ASTN2: variants seen among roughly 807,000 people sequenced by gnomAD.
The protein encoded by ASTN2 is astrotactin 2.
A neutral mutation model predicts 139.8 loss-of-function variants in ASTN2; 54 were observed. That is an observed-to-expected ratio of 0.39 (90% CI 0.31 to 0.48). The LOEUF is 0.48. ASTN2 is among the 20% of genes least tolerant of loss of function. The pLI, the probability that ASTN2 is intolerant of heterozygous loss-of-function variation, is 0.95. For missense variants in ASTN2, 1,565 were observed against 1,725.1 expected, an observed-to-expected ratio of 0.91 and a Z score of 1.64; for synonymous variants, 756 against 719.5, an observed-to-expected ratio of 1.05 and a Z score of -0.81.
chr9:116,745,099 C>T (rs1479271797), intron 13 of ASTN2, among the ~76,000 whole-genome samples: 1 of 152,230 alleles, frequency 6.6e-6, no homozygotes, highest in Non-Finnish European at 1.5e-5. Context: ...ACTCTAATCA[C>T]ATCTGATGCT....
intron 5 of ASTN2, among the ~76,000 whole-genome samples, chr9:117,071,750 C>T (rs373762031): frequency 0.037 from 5,475 of 149,462 alleles, 328 homozygotes; most frequent in African/African-American, 0.13. Context: ...AAGCGCAATA[C>T]TCGGGTGGGA....
intron 1 of ASTN2, among the ~76,000 whole-genome samples, chr9:117,353,174 T>TTTACC (rs1411647373): frequency 1.3e-5 from 2 of 152,130 alleles, no homozygotes; most frequent in African/African-American, 4.8e-5. Flanking sequence ...AATTGTATGT[T>TTTACC]ACATATATTT....
At chr9:116,599,541 T>G (rs545688709) in intron 19 of ASTN2, among the ~76,000 whole-genome samples, 1 of 152,310 alleles carries the variant, frequency 6.6e-6, no homozygotes, top group Non-Finnish European at 1.5e-5. Flanking sequence ...GTTCTGATAT[T>G]TTTCCCTGAG....
At chr9:117,285,563 C>T (rs1008571053) in intron 2 of ASTN2, among the ~76,000 whole-genome samples, 5 of 152,018 alleles carry the variant, frequency 3.3e-5, no homozygotes, top group African/African-American at 1.2e-4. Context: ...TTTTATATTC[C>T]TCAAAGTATT....
Position 116,634,767 on chromosome 9 carries a change from A to G in ASTN2, c.3073-14324T>C, listed in dbSNP as rs146826756. Among the ~76,000 whole-genome samples, 994 of 152,264 alleles carry G rather than the reference A, an allele frequency of 6.5e-3. 15 individuals are homozygous for G. The highest frequency in any genetic ancestry group is 0.023 in the African/African-American group (941 of 41,544). On this transcript the variant is annotated intron_variant, in intron 17 of 22. Coordinates refer to ENST00000313400, the MANE Select transcript of ASTN2 (RefSeq NM_001365068.1). Reference sequence around the variant, plus strand: ...ATGGCACTGGAACAAGCTATCAGAGATACTATCTTTGCCTTTGGGGAAGTA... The same window carrying G: ...ATGGCACTGGAACAAGCTATCAGAGGTACTATCTTTGCCTTTGGGGAAGTA...
At chr9:117,070,441 C>T (rs1462585884) in intron 5 of ASTN2, among the ~76,000 whole-genome samples, 8 of 85,722 alleles carry the variant, frequency 9.3e-5, no homozygotes, top group Admixed American at 5.1e-4. Context: ...CTGCCCTTAA[C>T]ATTTTTTCCT....
chr9:117,074,106 A>G (rs1828211046), intron 5 of ASTN2, among the ~76,000 whole-genome samples: 1 of 151,366 alleles, frequency 6.6e-6, no homozygotes, highest in East Asian at 1.9e-4. Context: ...AAAAAAAAAG[A>G]CCTTAATAGT....
chr9:117,243,538 G>A (rs573396554), intron 2 of ASTN2, among the ~76,000 whole-genome samples: 16 of 152,038 alleles, frequency 1.1e-4, no homozygotes, highest in African/African-American at 3.1e-4. Context: ...ACTATGTACC[G>A]GAAGCCCTGC....
chr9:116,997,308 T>C (rs1034757499), intron 7 of ASTN2, among the ~76,000 whole-genome samples: 1 of 152,172 alleles, frequency 6.6e-6, no homozygotes, highest in Non-Finnish European at 1.5e-5. Context: ...TAAAAGACCT[T>C]AAACATCTTC....
At chr9:116,615,371 C>A (rs1239767670) in intron 19 of ASTN2, among the ~76,000 whole-genome samples, 13 of 152,170 alleles carry the variant, frequency 8.5e-5, no homozygotes, top group Admixed American at 5.2e-4. Flanking sequence ...CATCCCATTA[C>A]TGGGTATATA....
chr9:117,379,665 C>T (rs189819299), intron 1 of ASTN2, among the ~76,000 whole-genome samples: 1 of 152,304 alleles, frequency 6.6e-6, no homozygotes, highest in African/African-American at 2.4e-5. Context: ...AAGATGCTAT[C>T]CTGTCCTCCA....
intron 4 of ASTN2, among the ~76,000 whole-genome samples, chr9:117,115,508 G>A (rs2132798052): frequency 6.6e-6 from 1 of 152,294 alleles, no homozygotes; most frequent in East Asian, 1.9e-4. Flanking sequence ...GGGCGACAGA[G>A]TGAGACTTTG....
intron 19 of ASTN2, among the ~76,000 whole-genome samples, chr9:116,615,294 A>G (rs373275347): frequency 5.3e-5 from 8 of 152,230 alleles, no homozygotes; most frequent in African/African-American, 1.9e-4. Flanking sequence ...AAACTAGTTG[A>G]ACCATTGTGG....
intron 1 of ASTN2, among the ~76,000 whole-genome samples, chr9:117,352,343 T>A (rs1363930954): frequency 6.6e-6 from 1 of 152,222 alleles, no homozygotes; most frequent in African/African-American, 2.4e-5. Flanking sequence ...GGCCACCATC[T>A]GCATCCCAAA....
rs181590286 is a variant in ASTN2, at chr9:116,443,902, C to T, written c.3498-1349G>A. Among the ~76,000 whole-genome samples the T allele has an allele frequency of 1.4e-3, 211 of 152,132 alleles. 1 individual carries two copies. The highest frequency in any genetic ancestry group is 2.5e-3 in the Non-Finnish European group (171 of 67,984). The stretch of plus-strand genomic sequence containing the variant: ...TCAAATTATCCCATGTTATAAAATA[C>T]GAAAAACACTATGATTAGCAAGTTT... On this transcript the variant is annotated intron_variant, in intron 20 of 22. Transcript: ENST00000313400.
At chr9:116,642,766 G>A (rs978879219) in intron 17 of ASTN2, among the ~76,000 whole-genome samples, 9 of 152,282 alleles carry the variant, frequency 5.9e-5, no homozygotes, top group Non-Finnish European at 1.2e-4. Context: ...ATCTTCTGTT[G>A]CTATAGTTGC....
chr9:116,981,891 G>A (rs754030347), intron 7 of ASTN2, among the ~76,000 whole-genome samples: 3 of 152,170 alleles, frequency 2.0e-5, no homozygotes, highest in Non-Finnish European at 4.4e-5. Flanking sequence ...TCAATTGGAT[G>A]GTTTTCTATC....
chr9:116,586,662 C>T (rs58458179), intron 19 of ASTN2, among the ~76,000 whole-genome samples: 3,748 of 152,002 alleles, frequency 0.025, 145 homozygotes, highest in African/African-American at 0.086. Context: ...AGGGAGAGAT[C>T]CGGCTCAAAA....
rs71379275 is a variant in ASTN2 at position 117,364,950 on chromosome 9, AACACACACACACACACACACAC to A, written c.442+49525_442+49546del. 1.6e-4 allele frequency among the ~76,000 whole-genome samples: 19 copies of A among 121,462 alleles called. No individual in the cohort carries two copies. The Admixed American group carries it at 1.6e-3, about 10-fold the overall frequency. The allele number at this position is 121,462 out of a possible 152,430, so 79.7% of individuals were successfully genotyped here. A position where few individuals can be genotyped will look rare whatever the true frequency, so the allele number is the denominator to read the frequency against. On this transcript the variant is annotated intron_variant, in intron 1 of 22. Transcript: ENST00000313400. ...CAACATAGTGAGACTCCATCTCTAC[AACACACACACACACACACACAC>A]ACACACACACACACACACACACACA...
Sources: allele counts gnomAD v4.1 joint callset (sites outside exome capture counted in the v4.1 genomes callset), GRCh38; gene constraint gnomAD v4.1.1; transcripts MANE v1.5; gene names NCBI Gene and HGNC (gene_info 2026-07-23, HGNC 2026-07-21).